F11: variants seen among roughly 807,000 people sequenced by gnomAD.
F11 encodes coagulation factor XI.
In F11, 78 loss-of-function variants were observed where a neutral mutation model predicts 76.5. That is an observed-to-expected ratio of 1.02 (90% CI 0.85 to 1.23). The LOEUF (loss-of-function observed/expected upper bound fraction) is 1.23. Among genes scored for constraint, F11 ranks in the 50% most tolerant of loss-of-function variants. The pLI, the probability that F11 is intolerant of heterozygous loss-of-function variation, is 0.00. For synonymous variants in F11, 278 were observed against 276.3 expected, an observed-to-expected ratio of 1.01 and a Z score of -0.06; for missense variants, 742 against 771.4, an observed-to-expected ratio of 0.96 and a Z score of 0.45.
intron 4 of F11, among the ~76,000 whole-genome samples, chr4:186,273,409 C>T (rs1377521653): frequency 6.6e-6 from 1 of 152,154 alleles, no homozygotes; most frequent in African/African-American, 2.4e-5. Context: ...CACTTCCCAT[C>T]ATTTATTTAT....
intron 11 of F11, among the ~76,000 whole-genome samples, chr4:186,285,230 G>A (rs759798916): frequency 1.2e-4 from 18 of 152,030 alleles, no homozygotes; most frequent in African/African-American, 2.2e-4. Context: ...AAGAGTTCCC[G>A]TTACCTGTCA....
chr4:186,268,816 G>C (rs1739698886), intron 2 of F11, among the ~76,000 whole-genome samples: 1 of 152,110 alleles, frequency 6.6e-6, no homozygotes, highest in African/African-American at 2.4e-5. Context: ...CAAATGTATA[G>C]ATTTACATGT....
At chr4:186,286,806 G>C in intron 13 of F11, 1 of 739,476 alleles carries the variant, frequency 1.4e-6, no homozygotes, top group Non-Finnish European at 1.7e-6. Context: ...TTACTTTCTT[G>C]GGAAGTCATT....
chr4:186,272,124 T>C (rs1406167835), intron 3 of F11, among the ~76,000 whole-genome samples: 7 of 152,056 alleles, frequency 4.6e-5, no homozygotes, highest in Non-Finnish European at 8.8e-5. Flanking sequence ...CCAACTATTT[T>C]ATTAGAAAAA....
rs1220869989 is a variant in F11 at position 186,276,392 on chromosome 4, T to C, written c.755+2T>C. ...GGAATGGCCCAAAGAATCTCAAAGG[T>C]AAGGAGTTAACAAGTAAGGATAATT... On this transcript the variant is annotated splice_donor_variant, in intron 7 of 14. Coordinates refer to ENST00000403665, the MANE Select transcript of F11 (RefSeq NM_000128.4). LOFTEE classifies it high-confidence loss of function. The C allele has an allele frequency of 5.6e-6, 9 of 1,613,854 alleles. No individual in the cohort carries two copies. Among genetic ancestry groups the C allele is most frequent in the Non-Finnish European group, 7.6e-6 (9 of 1,179,946 alleles).
At chr4:186,276,472 T>A in intron 7 of F11, 82 bp downstream of exon 7, 1 of 1,517,908 alleles carries the variant, frequency 6.6e-7, no homozygotes, top group South Asian at 1.1e-5. Flanking sequence ...TCCAAGTAAC[T>A]AAAAATTTAC....
intron 7 of F11, among the ~76,000 whole-genome samples, chr4:186,278,881 C>A (rs886672965): frequency 1.3e-5 from 2 of 152,164 alleles, no homozygotes; most frequent in African/African-American, 4.8e-5. Context: ...GTCCAAAGAT[C>A]AAGCCTTGGG....
rs1224905981 is a variant in F11, at chr4:186,284,145, G to T, written c.1189G>T (p.Gly397Cys). 2 of 1,614,054 alleles carry T rather than the reference G, an allele frequency of 1.2e-6. No individual in the cohort carries two copies. The highest frequency in any genetic ancestry group is 1.7e-6 in the Non-Finnish European group (2 of 1,180,040). The change falls in exon 11 of 15, where the codon GGT (glycine) becomes TGT (cysteine). Residue 397 changes from glycine (G) to cysteine (C), a missense_variant. Coordinates refer to ENST00000403665, the MANE Select transcript of F11 (RefSeq NM_000128.4). Reference sequence around the variant, plus strand: ...CGTTGGAGGAACTGCGTCTGTTCGTGGTGAGTGGCCGTGGCAGGTGACCCT... The same window carrying T: ...CGTTGGAGGAACTGCGTCTGTTCGTTGTGAGTGGCCGTGGCAGGTGACCCT... ...RIVGGTASVRGEWPWQVTLHT... is the reference protein window; with the variant it reads ...RIVGGTASVRCEWPWQVTLHT...
intron 12 of F11, 100 bp downstream of exon 12, chr4:186,285,913 C>G (rs878937298): frequency 7.9e-7 from 1 of 1,269,862 alleles, no homozygotes; most frequent in African/African-American, 1.5e-5. Context: ...TCTCTCCATG[C>G]GTTATCATCA....
intron 14 of F11, 91 bp from the exon 15 acceptor site, chr4:186,288,362 T>C (rs992654051): frequency 6.2e-5 from 96 of 1,556,238 alleles, no homozygotes; most frequent in Admixed American, 5.2e-4. Flanking sequence ...CAAGACAACA[T>C]TTTAGGCAAA....
At chr4:186,279,438 C>A (rs1740619475) in intron 7 of F11, among the ~76,000 whole-genome samples, 1 of 152,068 alleles carries the variant, frequency 6.6e-6, no homozygotes. Context: ...GCTGTGTTAG[C>A]CACATTTCAA....
intron 7 of F11, among the ~76,000 whole-genome samples, chr4:186,278,209 C>G (rs1051406552): frequency 5.9e-5 from 9 of 152,070 alleles, no homozygotes; most frequent in Non-Finnish European, 1.0e-4. Context: ...CTCTCAGAGC[C>G]CTCAGCACTT....
intron 2 of F11, among the ~76,000 whole-genome samples, chr4:186,270,858 T>C (rs1392366126): frequency 9.1e-6 from 1 of 110,428 alleles, no homozygotes; most frequent in African/African-American, 3.7e-5. Flanking sequence ...CATGCCCAGC[T>C]AGTATTTTTT....
chr4:186,271,237 T>A (rs568312520), intron 2 of F11, among the ~76,000 whole-genome samples: 1 of 152,134 alleles, frequency 6.6e-6, no homozygotes, highest in Non-Finnish European at 1.5e-5. Context: ...AGGGTTTGGA[T>A]AAAGAGACGC....
rs1346089684 is a variant in F11, at chr4:186,282,265, A to C, written c.1135+1685A>C. The C allele has an allele frequency of 3.0e-6, 3 of 985,230 alleles. No homozygotes were observed. The African/African-American group carries it at 5.2e-5, about 17-fold the overall frequency. The allele number at this position is 985,230 out of a possible 1,614,324, so 61.0% of individuals were successfully genotyped here. The stretch of plus-strand genomic sequence containing the variant: ...ATAGACTCTGGCCTGTAGAAGTTAC[A>C]GAATATGCCAGGTATAGATTGATAG... On this transcript the variant is annotated intron_variant, in intron 10 of 14. Coordinates refer to ENST00000403665, the MANE Select transcript of F11 (RefSeq NM_000128.4).
At position 186,267,158 on chromosome 4, in the gene F11, G is replaced by A; in HGVS notation, c.22G>A (p.Val8Ile). 1.9e-6 allele frequency: 3 copies of A among 1,581,748 alleles called. No homozygotes were observed. The highest frequency in any genetic ancestry group is 2.6e-6 in the Non-Finnish European group (3 of 1,150,620). ...TAGGATGATTTTCTTATATCAAGTGGTACATTTCATTTTATTTACTTCAGT... is the reference window on the plus strand; with the variant it reads ...TAGGATGATTTTCTTATATCAAGTGATACATTTCATTTTATTTACTTCAGT... MIFLYQV[V>I]HFILFTSVSG... Residue 8 changes from valine (V) to isoleucine (I), a missense_variant, in exon 2 of 15, where the codon GTA becomes ATA. By Grantham distance (29) the Val-to-Ile change is conservative. Coordinates refer to ENST00000403665, the MANE Select transcript of F11 (RefSeq NM_000128.4).
chr4:186,279,929 T>G (rs983169947), intron 7 of F11, 83 bp from the exon 8 acceptor site: 13 of 1,031,728 alleles, frequency 1.3e-5, no homozygotes, highest in South Asian at 7.9e-5. Flanking sequence ...TAGCATGAGC[T>G]GACTTTACTT....
At chr4:186,281,689 T>C (rs1355511712) in intron 10 of F11, among the ~76,000 whole-genome samples, 1 of 152,242 alleles carries the variant, frequency 6.6e-6, no homozygotes, top group African/African-American at 2.4e-5. Flanking sequence ...GTTCTTATAC[T>C]GTTTATTGCC....
At chr4:186,276,582 CTTTTTTTTTT>C in intron 7 of F11, among the ~76,000 whole-genome samples, 192 bp downstream of exon 7, 1 of 75,944 alleles carries the variant, frequency 1.3e-5, no homozygotes, top group South Asian at 5.1e-4. Flanking sequence ...ACCGAGGACT[CTTTTTTTTTT>C]TTTTTTTTTT....
Sources: gnomAD v4.1 joint callset for allele counts (sites outside exome capture counted in the v4.1 genomes callset) on GRCh38, gnomAD v4.1.1 for gene constraint, MANE v1.5 for transcripts, NCBI Gene and HGNC (gene_info 2026-07-23, HGNC 2026-07-21) for gene names.